PRIM2: variants seen among roughly 807,000 people sequenced by gnomAD.
The protein encoded by PRIM2 is DNA primase large subunit.
Under a neutral mutation model 67.3 loss-of-function variants are expected in PRIM2, and 39 were observed. The ratio of observed to expected loss-of-function variants is 0.58; its 90% confidence interval spans 0.45 to 0.76. The LOEUF (loss-of-function observed/expected upper bound fraction) is 0.76, where lower values mean the gene tolerates loss of function less well. Ranked by LOEUF, PRIM2 falls within the 30% of genes least tolerant of loss-of-function variation. The pLI is 0.00. For synonymous variants in PRIM2, 143 were observed against 198.7 expected (o/e 0.72, Z 2.36); for missense variants, 398 against 598.7 (o/e 0.66, Z 3.50).
chr6:57,543,141 G>C (rs1408903808), intron 10 of PRIM2, among the ~76,000 whole-genome samples: 1 of 149,872 alleles, frequency 6.7e-6, no homozygotes, highest in Non-Finnish European at 1.5e-5. Context: ...GGGTTTCACC[G>C]TGTTAGCCAG....
At chr6:57,292,034 T>TA in the PRIM2 span, among the ~76,000 whole-genome samples, 1 of 152,090 alleles carries the variant, frequency 6.6e-6, no homozygotes. Flanking sequence ...GGTATTCAAA[T>TA]AGGAAAAGAG....
At chr6:57,641,448 A>T (rs1777232242) in intron 13 of PRIM2, among the ~76,000 whole-genome samples, 1 of 152,216 alleles carries the variant, frequency 6.6e-6, no homozygotes, top group African/African-American at 2.4e-5. Context: ...CAGAGTGAAC[A>T]GGCAACCTAC....
intron 8 of PRIM2, among the ~76,000 whole-genome samples, chr6:57,528,831 T>C (rs1427891760): frequency 1.9e-4 from 29 of 152,366 alleles, no homozygotes; most frequent in African/African-American, 7.0e-4. Context: ...AGACTGCAAT[T>C]GCTGTTTGTG....
the PRIM2 span, among the ~76,000 whole-genome samples, chr6:57,228,367 A>T: frequency 4.6e-5 from 7 of 152,358 alleles, no homozygotes; most frequent in Admixed American, 4.6e-4. Flanking sequence ...AGGCAGGTTG[A>T]GATGCAGCTT....
chr6:57,465,835 T>G (rs1376914677), intron 7 of PRIM2, among the ~76,000 whole-genome samples: 2 of 138,334 alleles, frequency 1.4e-5, no homozygotes, highest in African/African-American at 6.1e-5. Flanking sequence ...TTTTTTATAA[T>G]TATACTTATA....
chr6:57,473,436 A>G (rs1773386675), intron 7 of PRIM2, among the ~76,000 whole-genome samples: 1 of 152,170 alleles, frequency 6.6e-6, no homozygotes, highest in South Asian at 2.1e-4. Context: ...CTTTAGATTA[A>G]CCTGGAAAAC....
intron 11 of PRIM2, among the ~76,000 whole-genome samples, chr6:57,602,498 AG>A (rs1413078625): frequency 6.6e-6 from 1 of 152,186 alleles, no homozygotes; most frequent in Admixed American, 6.5e-5. Flanking sequence ...TGTCTTCTAA[AG>A]TTTGAAAACC....
chr6:57,606,580 T>C (rs1416911892), intron 12 of PRIM2, 123 bp downstream of exon 12: 1 of 590,942 alleles, frequency 1.7e-6, no homozygotes. Context: ...AGACATCTTA[T>C]CTTCAAGATG....
intron 7 of PRIM2, among the ~76,000 whole-genome samples, chr6:57,430,969 A>C (rs1340533631): frequency 2.0e-5 from 3 of 152,162 alleles, no homozygotes; most frequent in African/African-American, 7.2e-5. Flanking sequence ...AAGCTTTTGC[A>C]TGTTTTTGAA....
chr6:57,618,827 T>C (rs2127496385), intron 12 of PRIM2, among the ~76,000 whole-genome samples: 1 of 140,680 alleles, frequency 7.1e-6, no homozygotes, highest in East Asian at 2.1e-4. Flanking sequence ...CACCTGACAG[T>C]CCTTCCCTAC....
chr6:57,546,948 C>T (rs1231860294), intron 10 of PRIM2, among the ~76,000 whole-genome samples: 14,994 of 152,068 alleles, frequency 0.099, 911 homozygotes, highest in African/African-American at 0.17. Context: ...TTTGAGTTAA[C>T]GCTTGTCAGT....
chr6:57,269,648 G>T, the PRIM2 span, among the ~76,000 whole-genome samples: 4 of 152,054 alleles, frequency 2.6e-5, no homozygotes, highest in Non-Finnish European at 4.4e-5. Flanking sequence ...GATCCCATTT[G>T]TCAATTTTGG....
the PRIM2 span, among the ~76,000 whole-genome samples, chr6:57,294,385 G>A: frequency 1.3e-5 from 2 of 152,082 alleles, no homozygotes; most frequent in East Asian, 1.9e-4. Context: ...GAAGGTTAAG[G>A]CAGGAGAATC....
rs1310575549 is a variant in PRIM2, at chr6:57,630,916, C to G, written c.1231-1217C>G. Among the ~76,000 whole-genome samples the G allele has an allele frequency of 3.9e-3, 594 of 152,192 alleles. 3 individuals are homozygous for G. Among genetic ancestry groups the G allele is most frequent in the African/African-American group, 0.013 (559 of 41,502 alleles). Reference sequence around the variant, plus strand: ...TTAAATTGATTTTTCATATTTTACTCTAATAATTCAAGAAAAGTAGACAGG... The same window carrying G: ...TTAAATTGATTTTTCATATTTTACTGTAATAATTCAAGAAAAGTAGACAGG... On this transcript the variant is annotated intron_variant, in intron 12 of 13. Transcript: ENST00000615550.
In PRIM2 at chr6:57,412,474, G is replaced by T. The variant is rs117521246; in HGVS notation, c.693+30306G>T. On this transcript the variant is annotated intron_variant, in intron 7 of 13. Transcript: ENST00000615550. ...GGTAGATTTATAAATTAAATTATTG[G>T]GTCAGAGGGTCGAAATGTCTTGAAG... Among the ~76,000 whole-genome samples the T allele has an allele frequency of 2.1e-4, 32 of 151,974 alleles. No homozygotes were observed. The East Asian group carries it at 6.0e-3, about 29-fold the overall frequency.
chr6:57,587,663 T>A (rs1215179105), intron 10 of PRIM2, among the ~76,000 whole-genome samples: 1 of 27,090 alleles, frequency 3.7e-5, no homozygotes, highest in Non-Finnish European at 5.8e-5. Flanking sequence ...AGACTCTGTC[T>A]CAAAAAAAAA....
chr6:57,449,966 A>T (rs2127389588), intron 7 of PRIM2, among the ~76,000 whole-genome samples: 2 of 152,290 alleles, frequency 1.3e-5, no homozygotes, highest in South Asian at 4.1e-4. Context: ...CAAAGGAACA[A>T]GATTAATGAC....
chr6:57,297,652 A>G, the PRIM2 span, among the ~76,000 whole-genome samples: 1 of 152,194 alleles, frequency 6.6e-6, no homozygotes, highest in African/African-American at 2.4e-5. Context: ...AGCAGATAGC[A>G]TCTTAACCAA....
At chr6:57,540,918 C>T (rs1775135506) in intron 10 of PRIM2, among the ~76,000 whole-genome samples, 2 of 152,212 alleles carry the variant, frequency 1.3e-5, no homozygotes, top group Non-Finnish European at 2.9e-5. Flanking sequence ...GCGTAAGCAG[C>T]TTGCACAGTA....
Sources: gnomAD v4.1 joint callset for allele counts (sites outside exome capture counted in the v4.1 genomes callset) on GRCh38, gnomAD v4.1.1 for gene constraint, MANE v1.5 for transcripts, NCBI Gene and HGNC (gene_info 2026-07-23, HGNC 2026-07-21) for gene names.